The following DIAPH2 variants were observed in gnomAD, a reference collection of about 807,000 sequenced individuals.
DIAPH2 encodes the protein protein diaphanous homolog 2.
DIAPH2 carries 35 observed loss-of-function variants against 92.7 expected under a neutral mutation model. That is an observed-to-expected ratio of 0.38 (90% CI 0.29 to 0.50). The LOEUF (loss-of-function observed/expected upper bound fraction) is 0.50. Ranked by LOEUF, DIAPH2 falls within the 20% of genes least tolerant of loss-of-function variation. The pLI is 0.94. For missense variants in DIAPH2, 701 were observed against 819.5 expected (o/e 0.86, Z 1.77); for synonymous variants, 301 against 280.4 (o/e 1.07, Z -0.73).
At chrX:97,408,119 G>A (rs893643374) in intron 25 of DIAPH2, among the ~76,000 whole-genome samples, 5 of 111,387 alleles carry the variant, frequency 4.5e-5, no homozygotes, top group African/African-American at 1.6e-4. Context: ...TAATTCAATG[G>A]CATCCATATT....
intron 1 of DIAPH2, among the ~76,000 whole-genome samples, chrX:96,714,243 C>T (rs1014950726): frequency 2.8e-5 from 3 of 107,804 alleles, no homozygotes; most frequent in Admixed American, 1.0e-4. Context: ...CTTTATAGCA[C>T]GTATCATAAG....
At chrX:97,236,579 C>T (rs1193803691) in intron 22 of DIAPH2, among the ~76,000 whole-genome samples, 1 of 92,500 alleles carries the variant, frequency 1.1e-5, no homozygotes, top group African/African-American at 4.2e-5. Flanking sequence ...GAGTCTCGCT[C>T]TATCGCCCAG....
Position 97,389,465 on chromosome X carries a change from C to CAAA in DIAPH2, c.3145+5440_3145+5442dup, listed in dbSNP as rs1164301048. ...TGGGCTACAGAGCGAGACTCTGTCT[C>CAAA]AAAAAAAAAAAAAAAAAAAAAGGAG... On this transcript the variant is annotated intron_variant, in intron 25 of 26. Coordinates refer to ENST00000324765, the MANE Select transcript of DIAPH2 (RefSeq NM_006729.5). Among the ~76,000 whole-genome samples the CAAA allele has an allele frequency of 4.4e-3, 151 of 34,531 alleles. 1 individual carries two copies. The highest frequency in any genetic ancestry group is 7.3e-3 in the Non-Finnish European group (132 of 18,042). 30.0% of individuals were successfully genotyped at this position (34,531 alleles called of 115,157 possible). A position where few individuals can be genotyped will look rare whatever the true frequency, so the allele number is the denominator to read the frequency against.
At chrX:97,402,970 G>A (rs1473680905) in intron 25 of DIAPH2, among the ~76,000 whole-genome samples, 1 of 111,899 alleles carries the variant, frequency 8.9e-6, no homozygotes, top group Non-Finnish European at 1.9e-5. Context: ...TACATAATTT[G>A]TGGAGCTCCT....
chrX:97,223,606 A>G (rs2067942655), intron 22 of DIAPH2, among the ~76,000 whole-genome samples: 1 of 111,229 alleles, frequency 9.0e-6, no homozygotes, highest in Non-Finnish European at 1.9e-5. Flanking sequence ...TCCTGTCTCT[A>G]TTTTTTGCCT....
chrX:96,955,161 G>T (rs1357396302), intron 15 of DIAPH2, among the ~76,000 whole-genome samples: 6 of 111,470 alleles, frequency 5.4e-5, no homozygotes, highest in Non-Finnish European at 1.1e-4. Context: ...TGCAGAGCTG[G>T]CGAGGCCTCA....
intron 4 of DIAPH2, among the ~76,000 whole-genome samples, chrX:96,852,060 C>CT (rs1245237753): frequency 8.9e-6 from 1 of 111,931 alleles, no homozygotes; most frequent in Non-Finnish European, 1.9e-5. Context: ...TGGAAAAGCT[C>CT]TTATGTTAGA....
chrX:97,113,015 A>G (rs2066993132), intron 20 of DIAPH2, among the ~76,000 whole-genome samples: 2 of 109,122 alleles, frequency 1.8e-5, no homozygotes, highest in South Asian at 8.0e-4. Context: ...CCTGACCTCA[A>G]GTGATCCTCC....
intron 14 of DIAPH2, among the ~76,000 whole-genome samples, chrX:96,948,342 G>A (rs1241984356): frequency 8.9e-6 from 1 of 112,020 alleles, no homozygotes; most frequent in Non-Finnish European, 1.9e-5. Context: ...GGGAGGCCGA[G>A]GCAGGTGGAT....
rs750363840 is a variant in DIAPH2 at position 97,256,655 on chromosome X, TTTTG to T, written c.2844+8841_2844+8844del. ...AGTAATCCCTGCTCTTTTCTTCTGTTTTTGTTTGTTTGTTTGTTTGTTTGTTTGA... is the reference window on the plus strand; with the variant it reads ...AGTAATCCCTGCTCTTTTCTTCTGTTTTTGTTTGTTTGTTTGTTTGTTTGA... On this transcript the variant is annotated intron_variant, in intron 23 of 26. Transcript: ENST00000324765. 6.3e-3 allele frequency among the ~76,000 whole-genome samples: 700 copies of T among 111,451 alleles called. 2 individuals are homozygous for T. The highest frequency in any genetic ancestry group is 0.021 in the African/African-American group (641 of 30,693).
intron 24 of DIAPH2, among the ~76,000 whole-genome samples, chrX:97,364,700 CT>C (rs1369047862): frequency 3.6e-5 from 4 of 109,603 alleles, no homozygotes; most frequent in Non-Finnish European, 7.6e-5. Context: ...TAGAATAATC[CT>C]TTGTCATAAT....
At chrX:97,194,610 T>A (rs2067686452) in intron 22 of DIAPH2, among the ~76,000 whole-genome samples, 1 of 111,730 alleles carries the variant, frequency 9.0e-6, no homozygotes, top group Non-Finnish European at 1.9e-5. Flanking sequence ...AATTGTTGAA[T>A]TTGTTTTAGT....
intron 22 of DIAPH2, among the ~76,000 whole-genome samples, chrX:97,147,781 T>C (rs1435918542): frequency 9.0e-6 from 1 of 111,501 alleles, no homozygotes; most frequent in Non-Finnish European, 1.9e-5. Context: ...TAAATTATTA[T>C]AATTTTAACA....
At chrX:96,695,532 C>G (rs765836773) in intron 1 of DIAPH2, among the ~76,000 whole-genome samples, 1 of 111,689 alleles carries the variant, frequency 9.0e-6, no homozygotes, top group South Asian at 3.8e-4. Context: ...TTTTAAATGG[C>G]CATTATCTCT....
intron 26 of DIAPH2, among the ~76,000 whole-genome samples, chrX:97,518,835 A>G (rs186026973): frequency 2.7e-5 from 3 of 111,243 alleles, no homozygotes; most frequent in East Asian, 5.6e-4. Context: ...AGCTCCCCCA[A>G]TTCTAGAAAC....
chrX:97,274,761 C>A (rs1251908502), intron 23 of DIAPH2, among the ~76,000 whole-genome samples: 1 of 109,676 alleles, frequency 9.1e-6, no homozygotes, highest in African/African-American at 3.3e-5. Flanking sequence ...ACAAAAGTCT[C>A]TGGTTTTCCT....
At chrX:97,131,757 GA>G (rs1449220513) in intron 21 of DIAPH2, among the ~76,000 whole-genome samples, 5 of 112,437 alleles carry the variant, frequency 4.4e-5, no homozygotes, top group Admixed American at 9.4e-5. Context: ...ACTATTCTCA[GA>G]AGAATTTTTA....
chrX:96,728,057 GAA>G (rs59678952), intron 1 of DIAPH2, among the ~76,000 whole-genome samples: 5 of 96,508 alleles, frequency 5.2e-5, no homozygotes, highest in East Asian at 3.2e-4. Flanking sequence ...AAAAAAAAAA[GAA>G]AAAAAAAAGT....
chrX:96,897,342 C>T (rs2065352104), intron 5 of DIAPH2, among the ~76,000 whole-genome samples: 1 of 110,300 alleles, frequency 9.1e-6, no homozygotes, highest in Admixed American at 9.8e-5. Flanking sequence ...CAACATCCGC[C>T]CACTTACTTT....
Sources: gnomAD v4.1 joint callset for allele counts (sites outside exome capture counted in the v4.1 genomes callset) on GRCh38, gnomAD v4.1.1 for gene constraint, MANE v1.5 for transcripts, NCBI Gene and HGNC (gene_info 2026-07-23, HGNC 2026-07-21) for gene names.